The following RAB3GAP1 variants were observed in gnomAD, a reference collection of about 807,000 sequenced individuals.
RAB3GAP1 encodes RAB3 GTPase activating protein catalytic subunit 1, also known as rab3 GTPase-activating protein catalytic subunit.
RAB3GAP1 carries 86 observed loss-of-function variants against 130.7 expected under a neutral mutation model. The observed-to-expected ratio is 0.66, with a 90% CI of 0.55 to 0.79. The LOEUF (loss-of-function observed/expected upper bound fraction) is 0.79, where lower values mean the gene tolerates loss of function less well. Among genes scored for constraint, RAB3GAP1 ranks in the 30% least tolerant of loss-of-function variants. The probability of loss-of-function intolerance (pLI) is 0.00; values close to 1 mark genes in which losing one functional copy is unlikely to be tolerated. For synonymous variants in RAB3GAP1, 367 were observed against 401.7 expected (o/e 0.91, Z 1.03); for missense variants, 1,029 against 1,169.4 (o/e 0.88, Z 1.75).
intron 5 of RAB3GAP1, among the ~76,000 whole-genome samples, chr2:135,105,783 T>C (rs1244935925): frequency 6.6e-6 from 1 of 151,178 alleles, no homozygotes; most frequent in Non-Finnish European, 1.5e-5. Flanking sequence ...GTCTAGGAAG[T>C]GAGGAGCGTC....
intron 2 of RAB3GAP1, among the ~76,000 whole-genome samples, chr2:135,055,843 T>A (rs1359397586): frequency 6.6e-6 from 1 of 151,840 alleles, no homozygotes; most frequent in African/African-American, 2.4e-5. Context: ...TTTCCTTTTT[T>A]TTTCTTTTTT....
chr2:135,062,175 A>G (rs1410690113), intron 3 of RAB3GAP1, among the ~76,000 whole-genome samples: 2 of 152,042 alleles, frequency 1.3e-5, no homozygotes, highest in African/African-American at 4.8e-5. Context: ...CGGCTTCCCA[A>G]AGTGCTGGGA....
intron 5 of RAB3GAP1, among the ~76,000 whole-genome samples, chr2:135,108,500 T>C (rs1382696175): frequency 1.3e-5 from 2 of 151,126 alleles, no homozygotes; most frequent in African/African-American, 2.4e-5. Flanking sequence ...AGGTGTCTGG[T>C]TGAAGTCTTT....
chr2:135,164,774 C>G lies in RAB3GAP1; in HGVS notation c.2709+78C>G, dbSNP rs925174756. On this transcript the variant is annotated intron_variant, in intron 23 of 23. Coordinates refer to ENST00000264158, the MANE Select transcript of RAB3GAP1 (RefSeq NM_012233.3). ...GGAAGAGGCTGTTTTAGTTCCCACA[C>G]GTGGCTGATCACACTCATGTCACCT... is the stretch of plus-strand genomic sequence containing the variant. 2.7e-6 allele frequency: 3 copies of G among 1,130,032 alleles called. No individual in the cohort carries two copies. In the African/African-American group the frequency reaches 4.6e-5, roughly 17 times the overall value. 70.0% of individuals were successfully genotyped at this position (1,130,032 alleles called of 1,614,324 possible).
chr2:135,153,926 T>C (rs763407474), intron 19 of RAB3GAP1, 50 bp downstream of exon 19: 3 of 1,537,596 alleles, frequency 2.0e-6, no homozygotes, highest in Non-Finnish European at 2.7e-6. Context: ...ACTGTTCTTA[T>C]GATTTAGGAA....
At chr2:135,094,112 A>G (rs1156625790) in intron 5 of RAB3GAP1, among the ~76,000 whole-genome samples, 3 of 152,326 alleles carry the variant, frequency 2.0e-5, no homozygotes, top group East Asian at 3.9e-4. Flanking sequence ...CATAAATTAC[A>G]TTGTTTGCAT....
intron 3 of RAB3GAP1, among the ~76,000 whole-genome samples, chr2:135,071,621 G>A (rs1689474501): frequency 1.3e-5 from 2 of 152,162 alleles, no homozygotes; most frequent in African/African-American, 2.4e-5. Flanking sequence ...AAAAGGGGCT[G>A]TCTGCAAAGA....
intron 2 of RAB3GAP1, among the ~76,000 whole-genome samples, chr2:135,056,425 T>A (rs1689014319): frequency 6.6e-6 from 1 of 151,626 alleles, no homozygotes. Context: ...AAACTGGTCT[T>A]GAACTCCTGA....
intron 3 of RAB3GAP1, among the ~76,000 whole-genome samples, chr2:135,087,330 A>G (rs1690016948): frequency 6.6e-6 from 1 of 152,200 alleles, no homozygotes; most frequent in Admixed American, 6.5e-5. Flanking sequence ...AAAATCAGGT[A>G]GTATACTTAT....
chr2:135,103,630 C>T (rs567162018), intron 5 of RAB3GAP1, among the ~76,000 whole-genome samples: 21 of 152,310 alleles, frequency 1.4e-4, no homozygotes, highest in Non-Finnish European at 2.5e-4. Flanking sequence ...CCCCTCTTCT[C>T]TCTAATCTAT....
At chr2:135,117,639 TCTTCTTCTGCTTCTG>T (rs1221923813) in intron 7 of RAB3GAP1, among the ~76,000 whole-genome samples, 49 of 60,164 alleles carry the variant, frequency 8.1e-4, no homozygotes, top group South Asian at 4.1e-3. Flanking sequence ...TGCTTCTGCT[TCTTCTTCTGCTTCTG>T]CTTCTTCTGC....
chr2:135,077,509 T>G (rs1175912768), intron 3 of RAB3GAP1, among the ~76,000 whole-genome samples: 1 of 152,144 alleles, frequency 6.6e-6, no homozygotes, highest in African/African-American at 2.4e-5. Context: ...CTGGGCAACA[T>G]AGCGAGACCC....
intron 17 of RAB3GAP1, among the ~76,000 whole-genome samples, chr2:135,146,426 G>A (rs946847894): frequency 6.6e-6 from 1 of 151,940 alleles, no homozygotes; most frequent in Non-Finnish European, 1.5e-5. Context: ...TGGTCAGGCT[G>A]GTCTTGAACT....
intron 7 of RAB3GAP1, among the ~76,000 whole-genome samples, chr2:135,117,477 T>TCTTCTG (rs1691015710): frequency 2.7e-5 from 4 of 145,458 alleles, no homozygotes; most frequent in African/African-American, 5.1e-5. Context: ...TGCTTCTGCT[T>TCTTCTG]CTTCTGCTTC....
At chr2:135,174,109 T>C (rs1692938460), downstream of RAB3GAP1, among the ~76,000 whole-genome samples, 1 of 152,256 alleles carries the variant, frequency 6.6e-6, no homozygotes, top group African/African-American at 2.4e-5. Context: ...GCTCCTCCCC[T>C]GGAAGCTTGT....
Position 135,132,971 on chromosome 2 carries a change from A to G in RAB3GAP1, c.1313A>G (p.Glu438Gly), listed in dbSNP as rs755052359. ...TSTDNNNPPS[E>G]SEDYNLYNQF... ...ACAGATAATAATAATCCTCCATCAG[A>G]GAGTGAAGACTATGTAAGTTGATGT... Residue 438 changes from glutamate (E) to glycine (G), a missense_variant, in exon 14 of 24, where the codon GAG becomes GGG. Around this residue, in one of 3 missense-constraint regions of RAB3GAP1, gnomAD observed 510 missense variants for 532.1 expected, o/e 0.96. Coordinates refer to ENST00000264158, the MANE Select transcript of RAB3GAP1 (RefSeq NM_012233.3). 3.9e-6 allele frequency: 6 copies of G among 1,555,110 alleles called. No individual in the cohort carries two copies. The highest frequency in any genetic ancestry group is 4.5e-5 in the East Asian group (2 of 44,420).
At chr2:135,118,726 T>G (rs1010846769) in intron 7 of RAB3GAP1, among the ~76,000 whole-genome samples, 1 of 152,168 alleles carries the variant, frequency 6.6e-6, no homozygotes, top group Non-Finnish European at 1.5e-5. Flanking sequence ...AAATAGTGTT[T>G]GGAGTCTCTT....
intron 5 of RAB3GAP1, among the ~76,000 whole-genome samples, chr2:135,105,468 G>T (rs1265497763): frequency 6.6e-6 from 1 of 152,034 alleles, no homozygotes; most frequent in African/African-American, 2.4e-5. Context: ...TCCTAACCGC[G>T]AGTGATCTGC....
At chr2:135,112,107 A>G (rs1377521959) in intron 5 of RAB3GAP1, among the ~76,000 whole-genome samples, 7 of 152,174 alleles carry the variant, frequency 4.6e-5, no homozygotes, top group Non-Finnish European at 7.3e-5. Context: ...CACCTCCACG[A>G]TGGCCCAGCC....
Sources: gnomAD v4.1 joint callset for allele counts (sites outside exome capture counted in the v4.1 genomes callset) on GRCh38, gnomAD v4.1.1 for gene constraint, gnomAD v4.1.1 regional missense constraint, MANE v1.5 for transcripts, NCBI Gene and HGNC (gene_info 2026-07-23, HGNC 2026-07-21) for gene names.